MAF: variants seen among roughly 807,000 people sequenced by gnomAD.
MAF encodes transcription factor Maf.
MAF carries 10 observed loss-of-function variants against 22.0 expected under a neutral mutation model. That is an observed-to-expected ratio of 0.45 (90% CI 0.28 to 0.77). The LOEUF (loss-of-function observed/expected upper bound fraction) is 0.77. Among genes scored for constraint, MAF ranks in the 30% least tolerant of loss-of-function variants. The probability of loss-of-function intolerance (pLI) is 0.12; values close to 1 mark genes in which losing one functional copy is unlikely to be tolerated. For synonymous variants in MAF, 337 were observed against 255.8 expected (o/e 1.32, Z -3.03); for missense variants, 544 against 548.4 (o/e 0.99, Z 0.08).
chr16:79,256,363 G>C, the MAF span, among the ~76,000 whole-genome samples: 1 of 152,092 alleles, frequency 6.6e-6, no homozygotes, highest in Non-Finnish European at 1.5e-5. Context: ...TCTCCCCACT[G>C]CAACAGCATC....
At chr16:79,436,172 T>A in the MAF span, among the ~76,000 whole-genome samples, 1 of 152,154 alleles carries the variant, frequency 6.6e-6, no homozygotes, top group Non-Finnish European at 1.5e-5. Flanking sequence ...AACCTCTGCC[T>A]CCCAAGTTCA....
At chr16:79,365,987 T>A in the MAF span, among the ~76,000 whole-genome samples, 4 of 152,256 alleles carry the variant, frequency 2.6e-5, no homozygotes, top group African/African-American at 9.6e-5. Flanking sequence ...AACATCTAAA[T>A]GACATACATT....
At chr16:79,524,428 T>C in the MAF span, among the ~76,000 whole-genome samples, 1 of 152,172 alleles carries the variant, frequency 6.6e-6, no homozygotes, top group Non-Finnish European at 1.5e-5. Flanking sequence ...CATTAGCCTG[T>C]TGCAATTATT....
At chr16:79,520,368 C>A in the MAF span, among the ~76,000 whole-genome samples, 2 of 152,140 alleles carry the variant, frequency 1.3e-5, no homozygotes, top group East Asian at 3.9e-4. Context: ...TCCTCTGCAG[C>A]CATATGACCT....
chr16:79,293,950 A>G, the MAF span, among the ~76,000 whole-genome samples: 2 of 152,092 alleles, frequency 1.3e-5, no homozygotes, highest in African/African-American at 4.8e-5. Flanking sequence ...CACGGTTGGT[A>G]GGTTACTGCC....
the MAF span, among the ~76,000 whole-genome samples, chr16:79,525,768 G>A: frequency 5.3e-5 from 8 of 151,952 alleles, no homozygotes; most frequent in African/African-American, 1.5e-4. Flanking sequence ...AAAATTTAAC[G>A]TATTTCTCAC....
chr16:79,417,700 C>A, the MAF span, among the ~76,000 whole-genome samples: 1 of 152,194 alleles, frequency 6.6e-6, no homozygotes. Context: ...ACATGGCCCT[C>A]TAACTTCCTG....
At chr16:79,363,284 A>G in the MAF span, among the ~76,000 whole-genome samples, 1 of 152,172 alleles carries the variant, frequency 6.6e-6, no homozygotes, top group African/African-American at 2.4e-5. Flanking sequence ...CTTGACTTAC[A>G]ATGGGGTTAT....
chr16:79,349,555 C>T, the MAF span, among the ~76,000 whole-genome samples: 2 of 152,228 alleles, frequency 1.3e-5, no homozygotes, highest in East Asian at 1.9e-4. Flanking sequence ...AGACACCAGA[C>T]TGACCTGGGT....
chr16:79,474,986 CTG>C, the MAF span, among the ~76,000 whole-genome samples: 6 of 152,240 alleles, frequency 3.9e-5, no homozygotes. Flanking sequence ...TTTGTAGACA[CTG>C]TGCTGGTAGC....
the MAF span, among the ~76,000 whole-genome samples, chr16:79,562,196 C>A: frequency 6.6e-6 from 1 of 152,186 alleles, no homozygotes; most frequent in African/African-American, 2.4e-5. Flanking sequence ...TCTAGTCACA[C>A]CATTCTGTTC....
chr16:79,350,866 AGTGTGT>A, the MAF span, among the ~76,000 whole-genome samples: 29,849 of 148,262 alleles, frequency 0.2, 3,229 homozygotes, highest in African/African-American at 0.31. Flanking sequence ...AACAGTGAGA[AGTGTGT>A]GTGTGTGTGT....
the MAF span, among the ~76,000 whole-genome samples, chr16:79,486,699 A>C: frequency 2.0e-5 from 3 of 152,196 alleles, no homozygotes; most frequent in African/African-American, 7.2e-5. Flanking sequence ...AGACAGAGAG[A>C]GAGCATAAAA....
the MAF span, among the ~76,000 whole-genome samples, chr16:79,355,189 G>C: frequency 6.6e-6 from 1 of 152,300 alleles, no homozygotes; most frequent in African/African-American, 2.4e-5. Flanking sequence ...GGCAGTACTT[G>C]CACCTATCTC....
At chr16:79,449,300 T>C in the MAF span, among the ~76,000 whole-genome samples, 18 of 152,320 alleles carry the variant, frequency 1.2e-4, no homozygotes, top group African/African-American at 4.1e-4. Flanking sequence ...CATGGGCCAC[T>C]GGTACTGGTC....
chr16:79,569,249 G>A, the MAF span, among the ~76,000 whole-genome samples: 39 of 152,134 alleles, frequency 2.6e-4, no homozygotes, highest in African/African-American at 8.7e-4. Context: ...ATTATCCCTC[G>A]TCTCAACCTC....
At chr16:79,451,478 C>T in the MAF span, among the ~76,000 whole-genome samples, 1 of 152,166 alleles carries the variant, frequency 6.6e-6, no homozygotes, top group Non-Finnish European at 1.5e-5. Context: ...GAAGTCGTGA[C>T]TTTGCCTTCC....
the MAF span, chr16:79,203,138 T>C: frequency 6.6e-6 from 1 of 152,336 alleles, no homozygotes; most frequent in African/African-American, 2.4e-5. Flanking sequence ...GAAATATCTA[T>C]TGTTTCTCAT....
At chr16:79,358,573 A>T in the MAF span, among the ~76,000 whole-genome samples, 1 of 152,170 alleles carries the variant, frequency 6.6e-6, no homozygotes, top group South Asian at 2.1e-4. Context: ...GCAGTGAAGG[A>T]TCCCACCTTG....
Sources: allele counts gnomAD v4.1 joint callset (sites outside exome capture counted in the v4.1 genomes callset), GRCh38; gene constraint gnomAD v4.1.1; transcripts MANE v1.5; gene names NCBI Gene and HGNC (gene_info 2026-07-23, HGNC 2026-07-21).